NRXN1: variants seen among roughly 807,000 people sequenced by gnomAD.
NRXN1 encodes neurexin-1.
Under a neutral mutation model 150.9 loss-of-function variants are expected in NRXN1, and 39 were observed. The observed-to-expected ratio is 0.26, with a 90% CI of 0.20 to 0.34. The LOEUF (loss-of-function observed/expected upper bound fraction) is 0.34, where lower values mean the gene tolerates loss of function less well. NRXN1 is among the 10% of genes least tolerant of loss of function. NRXN1 has a pLI of 1.00. For missense variants in NRXN1, 1,815 were observed against 1,949.9 expected, an observed-to-expected ratio of 0.93 and a Z score of 1.30; for synonymous variants, 924 against 757.0, an observed-to-expected ratio of 1.22 and a Z score of -3.62.
intron 21 of NRXN1, among the ~76,000 whole-genome samples, chr2:49,946,703 G>GA (rs1672968249): frequency 2.0e-5 from 3 of 151,892 alleles, no homozygotes; most frequent in African/African-American, 7.2e-5. Flanking sequence ...CAAAGAACTA[G>GA]AAAAAACTAC....
chr2:50,603,757 T>C (rs1308522851), intron 8 of NRXN1, among the ~76,000 whole-genome samples: 1 of 152,180 alleles, frequency 6.6e-6, no homozygotes, highest in Non-Finnish European at 1.5e-5. Context: ...CAGAGATTAA[T>C]GCTTTCACTT....
chr2:50,607,687 T>C (rs1432942962), intron 8 of NRXN1, among the ~76,000 whole-genome samples: 1 of 151,992 alleles, frequency 6.6e-6, no homozygotes, highest in African/African-American at 2.4e-5. Flanking sequence ...ACACAGTGAT[T>C]TTCTGCATTT....
intron 21 of NRXN1, among the ~76,000 whole-genome samples, chr2:50,048,727 G>A (rs955325930): frequency 7.2e-5 from 11 of 152,128 alleles, no homozygotes; most frequent in African/African-American, 2.4e-4. Flanking sequence ...TGAAATGAAT[G>A]TCTCTTACAA....
chr2:50,551,156 C>T (rs184427181), intron 9 of NRXN1: 172 of 149,718 alleles, frequency 1.1e-3, no homozygotes, highest in Non-Finnish European at 1.6e-3. Flanking sequence ...TAATTCAATT[C>T]CTTGTAGACT....
chr2:49,977,868 G>C (rs1467810234), intron 21 of NRXN1, among the ~76,000 whole-genome samples: 1 of 152,080 alleles, frequency 6.6e-6, no homozygotes, highest in African/African-American at 2.4e-5. Flanking sequence ...CATTTTTAAA[G>C]GTATGGACAG....
chr2:50,363,714 C>T (rs557152113), intron 17 of NRXN1, among the ~76,000 whole-genome samples: 8 of 152,236 alleles, frequency 5.3e-5, no homozygotes, highest in African/African-American at 9.6e-5. Flanking sequence ...CTAGGAATAC[C>T]ATTTGATTCA....
intron 5 of NRXN1, among the ~76,000 whole-genome samples, chr2:50,833,460 T>C (rs1671685381): frequency 6.6e-6 from 1 of 152,196 alleles, no homozygotes; most frequent in Non-Finnish European, 1.5e-5. Flanking sequence ...AATGGAATAA[T>C]ACATACCAAT....
intron 17 of NRXN1, among the ~76,000 whole-genome samples, chr2:50,304,724 G>C (rs1322776868): frequency 3.9e-5 from 6 of 152,086 alleles, no homozygotes; most frequent in South Asian, 2.1e-4. Flanking sequence ...TGGATTCTAA[G>C]ACTTATGAAA....
At chr2:50,278,264 T>TTATATATATATTATATATATATTA (rs373512653) in intron 17 of NRXN1, among the ~76,000 whole-genome samples, 1 of 66,246 alleles carries the variant, frequency 1.5e-5, no homozygotes, top group Admixed American at 1.9e-4. Context: ...ATTATATATA[T>TTATATATATATTATATATATATTA]TATATATGTA....
intron 18 of NRXN1, among the ~76,000 whole-genome samples, chr2:50,170,122 C>T (rs544216776): frequency 6.5e-4 from 98 of 150,428 alleles, no homozygotes; most frequent in Non-Finnish European, 3.7e-4. Context: ...ATTTATAATA[C>T]GTCATATTAT....
chr2:50,440,135 C>A (rs1359740337), intron 17 of NRXN1, among the ~76,000 whole-genome samples: 1 of 152,018 alleles, frequency 6.6e-6, no homozygotes, highest in Admixed American at 6.6e-5. Flanking sequence ...GCAGGATATT[C>A]CAGTGAGGAT....
At chr2:50,821,036 T>A (rs925992412) in intron 5 of NRXN1, among the ~76,000 whole-genome samples, 1 of 152,136 alleles carries the variant, frequency 6.6e-6, no homozygotes, top group East Asian at 1.9e-4. Context: ...CCCAACAACA[T>A]ATTTATTTAG....
chr2:50,134,979 G>A (rs745921547), intron 18 of NRXN1, among the ~76,000 whole-genome samples: 10 of 152,104 alleles, frequency 6.6e-5, no homozygotes, highest in Non-Finnish European at 1.3e-4. Flanking sequence ...CCTCTTTCTT[G>A]TTCTCCCCCA....
chr2:50,647,171 C>T (rs918807), intron 5 of NRXN1, among the ~76,000 whole-genome samples: 105,359 of 151,586 alleles, frequency 0.7, 37,282 homozygotes, highest in East Asian at 0.85. Flanking sequence ...TAGGTCATTC[C>T]CTGGAGAGTG....
At chr2:50,223,894 AT>A (rs1559123583) in intron 18 of NRXN1, among the ~76,000 whole-genome samples, 2 of 151,904 alleles carry the variant, frequency 1.3e-5, no homozygotes, top group Admixed American at 6.6e-5. Flanking sequence ...TTCCAGAGCA[AT>A]GTGGGTTACT....
At chr2:50,026,859 C>CTTTCTTTTTTTTTT (rs1688381537) in intron 21 of NRXN1, among the ~76,000 whole-genome samples, 1 of 65,234 alleles carries the variant, frequency 1.5e-5, no homozygotes, top group Non-Finnish European at 2.7e-5. Flanking sequence ...CTTTTCTTTT[C>CTTTCTTTTTTTTTT]TTTTTTTTTT....
intron 17 of NRXN1, among the ~76,000 whole-genome samples, chr2:50,451,248 C>T (rs1033461508): frequency 3.3e-5 from 5 of 152,158 alleles, no homozygotes; most frequent in South Asian, 2.1e-4. Context: ...GTATTACAGG[C>T]GTGAGTCACC....
chr2:50,761,699 G>A (rs1295685169), intron 5 of NRXN1, among the ~76,000 whole-genome samples: 1 of 151,946 alleles, frequency 6.6e-6, no homozygotes, highest in East Asian at 2.0e-4. Context: ...TGCCAAAAGA[G>A]ATTAACATTT....
intron 12 of NRXN1, among the ~76,000 whole-genome samples, chr2:50,518,508 G>A (rs762752896): frequency 6.6e-6 from 1 of 151,752 alleles, no homozygotes; most frequent in Non-Finnish European, 1.5e-5. Context: ...CTCATTTAAT[G>A]TATTTTCTGC....
Sources: allele counts gnomAD v4.1 joint callset (sites outside exome capture counted in the v4.1 genomes callset), GRCh38; gene constraint gnomAD v4.1.1; transcripts MANE v1.5; gene names NCBI Gene and HGNC (gene_info 2026-07-23, HGNC 2026-07-21).